Variants in SLC30A6 observed in about 807,000 individuals in gnomAD.
SLC30A6 encodes solute carrier family 30 member 6, also known as zinc transporter 6.
A neutral mutation model predicts 63.0 loss-of-function variants in SLC30A6; 55 were observed. The ratio of observed to expected loss-of-function variants is 0.87; its 90% CI spans 0.70 to 1.09. The LOEUF (loss-of-function observed/expected upper bound fraction) is 1.09, where lower values mean the gene tolerates loss of function less well. SLC30A6 is among the 50% of genes least tolerant of loss of function. SLC30A6 has a pLI of 0.00. For missense variants in SLC30A6, 587 were observed against 549.2 expected (o/e 1.07, Z -0.69); for synonymous variants, 224 against 186.1 (o/e 1.20, Z -1.66).
intron 1 of SLC30A6, among the ~76,000 whole-genome samples, chr2:32,170,951 T>C (rs1451185502): frequency 1.3e-5 from 2 of 152,192 alleles, no homozygotes; most frequent in African/African-American, 4.8e-5. Context: ...AGTAGAGCTA[T>C]TTGGCAAACT....
intron 4 of SLC30A6, among the ~76,000 whole-genome samples, chr2:32,181,207 G>C (rs1312715027): frequency 6.6e-6 from 1 of 152,156 alleles, no homozygotes; most frequent in Admixed American, 6.5e-5. Flanking sequence ...AATGGGTACT[G>C]ATTTTTTAGA....
intron 10 of SLC30A6, chr2:32,203,871 T>A: frequency 9.3e-7 from 1 of 1,069,794 alleles, no homozygotes; most frequent in Non-Finnish European, 1.5e-6. Flanking sequence ...GCCGATCAGG[T>A]GGTCGATCTG....
At chr2:32,216,073 C>A (rs1407455751) in intron 13 of SLC30A6, among the ~76,000 whole-genome samples, 1 of 152,032 alleles carries the variant, frequency 6.6e-6, no homozygotes, top group Non-Finnish European at 1.5e-5. Context: ...GGATATATAC[C>A]CAGTTATGGG....
chr2:32,203,690 G>T, intron 10 of SLC30A6: 3 of 1,544,464 alleles, frequency 1.9e-6, no homozygotes, highest in Non-Finnish European at 2.7e-6. Flanking sequence ...GGAAATGTGC[G>T]TGTTTGCTTT....
chr2:32,208,566 C>T (rs1244399303), intron 12 of SLC30A6, among the ~76,000 whole-genome samples: 1 of 152,130 alleles, frequency 6.6e-6, no homozygotes, highest in Non-Finnish European at 1.5e-5. Context: ...AGGCATGAGC[C>T]ACTGTGCCCG....
rs531361517 is a variant in SLC30A6, at chr2:32,178,236, C to T, written c.218+2875C>T. On this transcript the variant is annotated intron_variant, in intron 4 of 13. Transcript: ENST00000282587. ...TGCTGGGATTACAGACGTGAGCCAC[C>T]GCACCCGGCCAAGTTATTTTTTTTT... 9.2e-5 allele frequency among the ~76,000 whole-genome samples: 14 copies of T among 152,104 alleles called. No individual in the cohort carries two copies. The South Asian group carries it at 2.1e-3, about 23-fold the overall frequency.
intron 10 of SLC30A6, chr2:32,202,890 C>T: frequency 1.0e-6 from 1 of 982,394 alleles, no homozygotes; most frequent in Non-Finnish European, 1.6e-6. Context: ...TTCTGTGGAA[C>T]ATTTGGCCAT....
At chr2:32,166,609 T>TAAACTTTAAA (rs1680682337) in intron 1 of SLC30A6, among the ~76,000 whole-genome samples, 1 of 152,232 alleles carries the variant, frequency 6.6e-6, no homozygotes, top group Non-Finnish European at 1.5e-5. Flanking sequence ...GATAAGCAGT[T>TAAACTTTAAA]GGTTGGGATT....
intron 11 of SLC30A6, among the ~76,000 whole-genome samples, chr2:32,205,896 G>T (rs1336171056): frequency 1.3e-5 from 2 of 151,652 alleles, no homozygotes; most frequent in Non-Finnish European, 2.9e-5. Context: ...TCAAATTCCT[G>T]ACCTCAGGTG....
chr2:32,171,424 A>T, intron 2 of SLC30A6, 51 bp downstream of exon 2: 1 of 1,399,100 alleles, frequency 7.1e-7, no homozygotes, highest in Non-Finnish European at 1.0e-6. Context: ...CAACATTATA[A>T]CATTGAAGAA....
chr2:32,205,585 A>G (rs1684685270), intron 11 of SLC30A6, among the ~76,000 whole-genome samples: 1 of 151,974 alleles, frequency 6.6e-6, no homozygotes, highest in Admixed American at 6.6e-5. Flanking sequence ...ATAGTCACAA[A>G]TCTTCCTATA....
chr2:32,214,612 A>G (rs372451063), intron 13 of SLC30A6: 2 of 152,172 alleles, frequency 1.3e-5, no homozygotes, highest in African/African-American at 4.8e-5. Flanking sequence ...TTATAAACAC[A>G]AAGAATATAG....
At chr2:32,166,743 A>G (rs1454378212) in intron 1 of SLC30A6, among the ~76,000 whole-genome samples, 1 of 152,224 alleles carries the variant, frequency 6.6e-6, no homozygotes, top group Non-Finnish European at 1.5e-5. Context: ...TTGTCACTGT[A>G]CTAAGTTTTT....
intron 12 of SLC30A6, among the ~76,000 whole-genome samples, chr2:32,209,257 G>T (rs967947124): frequency 1.3e-5 from 2 of 152,186 alleles, no homozygotes; most frequent in Admixed American, 6.5e-5. Context: ...GAGCAGTGGG[G>T]ACCTGATTCT....
chr2:32,191,199 G>A (rs979668823), intron 5 of SLC30A6, among the ~76,000 whole-genome samples: 22 of 152,238 alleles, frequency 1.4e-4, no homozygotes, highest in African/African-American at 5.3e-4. Flanking sequence ...TAACATTGGT[G>A]CATTTGCATA....
intron 11 of SLC30A6, 45 bp from the exon 12 acceptor site, chr2:32,206,839 CTT>C: frequency 6.5e-7 from 1 of 1,527,380 alleles, no homozygotes; most frequent in Non-Finnish European, 9.1e-7. Context: ...TGTTGGCAAA[CTT>C]TTTTCCTTCC....
intron 10 of SLC30A6, among the ~76,000 whole-genome samples, chr2:32,200,946 C>A (rs1002563028): frequency 2.0e-5 from 3 of 152,234 alleles, no homozygotes; most frequent in African/African-American, 7.2e-5. Context: ...TACTAACCAT[C>A]CATCTATCTA....
intron 10 of SLC30A6, chr2:32,203,094 A>G: frequency 7.6e-7 from 1 of 1,309,846 alleles, no homozygotes; most frequent in Non-Finnish European, 1.1e-6. Flanking sequence ...ATTTACACTA[A>G]AAGACTTCAG....
In SLC30A6 at chr2:32,220,926, C is replaced by G. The variant is rs1686107534; in HGVS notation, c.*213C>G. 6.0e-6 allele frequency: 3 copies of G among 503,296 alleles called. No homozygotes were observed. The highest frequency in any genetic ancestry group is 1.0e-5 in the Non-Finnish European group (3 of 290,394). 31.2% of individuals were successfully genotyped at this position (503,296 alleles called of 1,614,324 possible). A position where few individuals can be genotyped will look rare whatever the true frequency, so the allele number is the denominator to read the frequency against. ...AATGTTAAAGGCTTTAAATAGGCTT[C>G]CTTTAGAAAATGTGTTTCTTTAAAT... On this transcript the variant is annotated 3_prime_UTR_variant, in exon 14 of 14. Coordinates refer to ENST00000282587, the MANE Select transcript of SLC30A6 (RefSeq NM_017964.5).
Sources: allele counts gnomAD v4.1 joint callset (sites outside exome capture counted in the v4.1 genomes callset), GRCh38; gene constraint gnomAD v4.1.1; transcripts MANE v1.5; gene names NCBI Gene and HGNC (gene_info 2026-07-23, HGNC 2026-07-21).